Variants in EYS observed in about 807,000 individuals in gnomAD.
EYS encodes EGF-like photoreceptor maintenance factor.
EYS carries 250 observed loss-of-function variants against 282.1 expected under a neutral mutation model. That is an observed-to-expected ratio of 0.89 (90% confidence interval 0.80 to 0.98). The LOEUF is 0.98. Ranked by LOEUF, EYS falls within the 50% of genes least tolerant of loss-of-function variation. The pLI, the probability that EYS is intolerant of heterozygous loss-of-function variation, is 0.00. For synonymous variants in EYS, 1,355 were observed against 1,282.9 expected, an observed-to-expected ratio of 1.06 and a Z score of -1.20; for missense variants, 4,016 against 3,709.0, an observed-to-expected ratio of 1.08 and a Z score of -2.15.
At chr6:65,587,290 T>A (rs1197860908) in intron 2 of EYS, among the ~76,000 whole-genome samples, 1 of 152,094 alleles carries the variant, frequency 6.6e-6, no homozygotes, top group East Asian at 1.9e-4. Flanking sequence ...TAAAAGGTGA[T>A]ATGGTTCAGT....
intron 31 of EYS, among the ~76,000 whole-genome samples, chr6:64,179,017 T>C (rs1007065385): frequency 2.0e-5 from 3 of 151,966 alleles, no homozygotes; most frequent in African/African-American, 7.2e-5. Context: ...TTACTAGACA[T>C]CTCCTTGGCA....
intron 30 of EYS, among the ~76,000 whole-genome samples, chr6:64,241,042 T>C (rs1006952127): frequency 2.6e-5 from 4 of 152,202 alleles, no homozygotes; most frequent in African/African-American, 9.6e-5. Context: ...GTTTGTGTGA[T>C]GGAGTAGGTT....
intron 31 of EYS, among the ~76,000 whole-genome samples, chr6:64,191,887 C>T (rs1343474200): frequency 6.6e-6 from 1 of 150,584 alleles, no homozygotes; most frequent in Non-Finnish European, 1.5e-5. Flanking sequence ...AGTTCAAGAT[C>T]CCTGAGGAAT....
intron 2 of EYS, among the ~76,000 whole-genome samples, chr6:65,632,323 G>C (rs567898260): frequency 6.6e-6 from 1 of 152,104 alleles, no homozygotes; most frequent in Non-Finnish European, 1.5e-5. Context: ...CACTTGACAA[G>C]TTAATGCATT....
chr6:64,411,536 C>A (rs1773890650), intron 28 of EYS, among the ~76,000 whole-genome samples: 1 of 152,018 alleles, frequency 6.6e-6, no homozygotes, highest in Non-Finnish European at 1.5e-5. Context: ...ATAAAAGTCA[C>A]AAAGCAGTTT....
At chr6:64,952,124 A>G (rs1469091189) in intron 14 of EYS, among the ~76,000 whole-genome samples, 3 of 152,062 alleles carry the variant, frequency 2.0e-5, no homozygotes, top group Non-Finnish European at 2.9e-5. Flanking sequence ...ACTCCCCAGT[A>G]TCAGAAGCAA....
chr6:65,416,117 G>T (rs1045944966), intron 5 of EYS, among the ~76,000 whole-genome samples: 1 of 151,834 alleles, frequency 6.6e-6, no homozygotes, highest in Admixed American at 6.6e-5. Context: ...TATGGTAAAG[G>T]CTCAATAGTC....
intron 40 of EYS, among the ~76,000 whole-genome samples, chr6:63,774,173 TC>T (rs1300060421): frequency 2.0e-5 from 3 of 151,800 alleles, no homozygotes; most frequent in Admixed American, 6.6e-5. Flanking sequence ...ACACTGCTTT[TC>T]TTTTTTTTTT....
At chr6:65,411,657 T>G (rs112621094) in intron 5 of EYS, among the ~76,000 whole-genome samples, 7,427 of 152,102 alleles carry the variant, frequency 0.049, 271 homozygotes, top group African/African-American at 0.1. Context: ...TCCTGATCAC[T>G]GACAACCATC....
chr6:64,275,591 T>C (rs573751913), intron 30 of EYS, among the ~76,000 whole-genome samples: 24 of 151,862 alleles, frequency 1.6e-4, no homozygotes, highest in African/African-American at 5.8e-4. Context: ...TAATTTTTTG[T>C]ATTTTCAGTA....
At chr6:64,687,345 A>G (rs1260101866) in intron 22 of EYS, among the ~76,000 whole-genome samples, 1 of 152,226 alleles carries the variant, frequency 6.6e-6, no homozygotes, top group East Asian at 1.9e-4. Context: ...TTGTATTAAT[A>G]GATGCATTGG....
At chr6:65,013,560 C>T (rs954218858) in intron 13 of EYS, among the ~76,000 whole-genome samples, 1 of 152,154 alleles carries the variant, frequency 6.6e-6, no homozygotes, top group African/African-American at 2.4e-5. Flanking sequence ...AGTGTACATA[C>T]CCCATGTAAT....
chr6:65,080,405 T>A (rs1298737451), intron 12 of EYS, among the ~76,000 whole-genome samples: 2 of 152,146 alleles, frequency 1.3e-5, no homozygotes, highest in Admixed American at 6.6e-5. Context: ...CTTATTTCCA[T>A]CAATTTTGGT....
chr6:63,991,892 T>A (rs1411180888), intron 34 of EYS, among the ~76,000 whole-genome samples: 4 of 151,792 alleles, frequency 2.6e-5, no homozygotes, highest in Admixed American at 6.6e-5. Context: ...TCAGTAGATT[T>A]TTTTCCACAG....
chr6:64,450,982 G>C (rs1775312519), intron 26 of EYS, among the ~76,000 whole-genome samples: 1 of 152,054 alleles, frequency 6.6e-6, no homozygotes, highest in Non-Finnish European at 1.5e-5. Context: ...TCAAAAGCTA[G>C]CAGAAGGCAA....
chr6:64,086,839 T>C (rs983480519), intron 31 of EYS, among the ~76,000 whole-genome samples: 2 of 152,088 alleles, frequency 1.3e-5, no homozygotes, highest in African/African-American at 4.8e-5. Context: ...CTGGGGAAAA[T>C]ATGAGTTAAG....
intron 12 of EYS, among the ~76,000 whole-genome samples, chr6:65,073,911 T>C (rs1057211805): frequency 5.3e-5 from 8 of 151,938 alleles, no homozygotes; most frequent in Admixed American, 5.3e-4. Flanking sequence ...ACTTGAATTA[T>C]AAAAGCAAGA....
intron 30 of EYS, among the ~76,000 whole-genome samples, chr6:64,295,724 G>C (rs1377801824): frequency 2.5e-5 from 2 of 78,690 alleles, no homozygotes; most frequent in African/African-American, 9.8e-5. Context: ...GCCAGACTCC[G>C]TCTCCAAAAA....
intron 14 of EYS, among the ~76,000 whole-genome samples, chr6:64,966,519 A>C (rs1770100701): frequency 6.6e-6 from 1 of 152,196 alleles, no homozygotes; most frequent in Non-Finnish European, 1.5e-5. Context: ...GGACGAAAAC[A>C]GGTTAGGTGG....
Sources: allele counts gnomAD v4.1 joint callset (sites outside exome capture counted in the v4.1 genomes callset), GRCh38; gene constraint gnomAD v4.1.1; transcripts MANE v1.5; gene names NCBI Gene and HGNC (gene_info 2026-07-23, HGNC 2026-07-21).